Variants in ASB18 observed in about 807,000 individuals in gnomAD.
ASB18 encodes the protein ankyrin repeat and SOCS box protein 18.
Under a neutral mutation model 33.4 loss-of-function variants are expected in ASB18, and 33 were observed. The ratio of observed to expected loss-of-function variants is 0.99; its 90% CI spans 0.75 to 1.32. The LOEUF is 1.32. ASB18 is among the 40% of genes most tolerant of loss of function. The pLI is 0.00. For synonymous variants in ASB18, 295 were observed against 307.6 expected (o/e 0.96, Z 0.43); for missense variants, 694 against 655.5 (o/e 1.06, Z -0.64).
In ASB18 at chr2:236,252,594, G is replaced by A. The variant is rs1660114633; in HGVS notation, c.206-11192C>T. 6.6e-6 allele frequency among the ~76,000 whole-genome samples: 1 copy of A among 152,110 alleles called. No individual in the cohort carries two copies. ...ATTGTTGCGGGGAGCTATACCCTAT[G>A]TTCTGGCCTGAGCAAGAGGCAGGTG... On this transcript the variant is annotated intron_variant, in intron 1 of 5. Transcript: ENST00000409749. The surrounding 1 kb of genome is among the most constrained non-coding windows in gnomAD (Gnocchi z 7.9).
intron 1 of ASB18, among the ~76,000 whole-genome samples, chr2:236,258,809 A>G (rs1249753767): frequency 6.6e-6 from 1 of 152,164 alleles, no homozygotes; most frequent in Non-Finnish European, 1.5e-5. Flanking sequence ...CTCAATTAGT[A>G]TTTCTTTAAC....
chr2:236,194,949 C>G lies in ASB18; in HGVS notation c.1324G>C (p.Asp442His). ...GGCAAGGGTAACAGGGGGATGAGGT[C>G]AAAGCACCTTTTGCCAAACAGTCTG... ...LRRLFGKRCF[D>H]LIPLLPLPKP... Residue 442 changes from aspartate (D) to histidine (H), a missense_variant, in exon 6 of 6, where the codon GAC (aspartate) becomes CAC (histidine). Asp to His is a moderately conservative substitution (Grantham distance 81). Coordinates refer to ENST00000409749, the MANE Select transcript of ASB18 (RefSeq NM_212556.4). This position sits in a 1 kb window ranked among gnomAD's most constrained non-coding sequence, Gnocchi z 4.5. The G allele has an allele frequency of 1.9e-6, 3 of 1,613,894 alleles. No individual in the cohort carries two copies. The highest frequency in any genetic ancestry group is 2.5e-6 in the Non-Finnish European group (3 of 1,179,850).
At chr2:236,243,596 A>T (rs2060631938) in intron 1 of ASB18, among the ~76,000 whole-genome samples, 1 of 152,020 alleles carries the variant, frequency 6.6e-6, no homozygotes, top group African/African-American at 2.4e-5. Context: ...CAAAGACATG[A>T]TCTGGGGCCC....
In ASB18 at chr2:236,234,445, T is replaced by C. The variant is rs1365194702; in HGVS notation, c.596+3244A>G. On this transcript the variant is annotated intron_variant, in intron 3 of 5. Transcript: ENST00000409749. The surrounding 1 kb of genome is among the most constrained non-coding windows in gnomAD (Gnocchi z 4.1). ...CATCCAGCCCCTTTTGTCTAGGTGT[T>C]ATCCTTTTTGGTGTGTGGCATAAAG... Among the ~76,000 whole-genome samples the C allele has an allele frequency of 6.6e-6, 1 of 152,174 alleles. No homozygotes were observed. Among genetic ancestry groups the C allele is most frequent in the Non-Finnish European group, 1.5e-5 (1 of 68,046 alleles).
rs912501514 is a variant in ASB18, at chr2:236,221,336, T to A, written c.597-6470A>T. Among the ~76,000 whole-genome samples the A allele has an allele frequency of 1.5e-4, 23 of 152,238 alleles. 1 individual carries two copies. Among genetic ancestry groups the A allele is most frequent in the Non-Finnish European group, 5.9e-5 (4 of 68,048 alleles). On this transcript the variant is annotated intron_variant, in intron 3 of 5. Transcript: ENST00000409749. The surrounding 1 kb of genome is among the most constrained non-coding windows in gnomAD (Gnocchi z 5.6). ...AAAGGGACATTGCTTCTGAACATTT[T>A]GTTAGTAATGTTAAACATCTCATAT...
At position 236,237,678 on chromosome 2, in the gene ASB18, GA is replaced by G; in HGVS notation, c.596+10del. On this transcript the variant is annotated intron_variant, in intron 3 of 5. Transcript: ENST00000409749. This position sits in a 1 kb window ranked among gnomAD's most constrained non-coding sequence, Gnocchi z 6.2. Reference sequence around the variant, plus strand: ...GGGGCGGACGCCGCGGGCCTGTCCCGAGGTCCTTACCCGAGCGAGGCGGCCG... The same window carrying G: ...GGGGCGGACGCCGCGGGCCTGTCCCGGGTCCTTACCCGAGCGAGGCGGCCG... 1 of 1,431,034 alleles carries G rather than the reference GA, an allele frequency of 7.0e-7. No individual in the cohort carries two copies. Among genetic ancestry groups the G allele is most frequent in the South Asian group, 1.4e-5 (1 of 71,354 alleles). The allele number at this position is 1,431,034 out of a possible 1,614,324, so 88.6% of individuals were successfully genotyped here.
rs551780974 is a variant in ASB18 at position 236,193,762 on chromosome 2, AAAACAAAC to A, written c.*1102_*1109del. Among the ~76,000 whole-genome samples, 8 of 151,872 alleles carry A rather than the reference AAAACAAAC, an allele frequency of 5.3e-5. No individual in the cohort carries two copies. Among genetic ancestry groups the A allele is most frequent in the Admixed American group, 4.6e-4 (7 of 15,246 alleles). On this transcript the variant is annotated 3_prime_UTR_variant, in exon 6 of 6. Coordinates refer to ENST00000409749, the MANE Select transcript of ASB18 (RefSeq NM_212556.4). This position sits in a 1 kb window ranked among gnomAD's most constrained non-coding sequence, Gnocchi z 5.0. ...GGTGAGCCAAGATTGCGCCAGTCTC[AAAACAAAC>A]AAACAAACAAACAAAAAAACAAAAA...
rs2060671707 is a variant in ASB18 at position 236,252,266 on chromosome 2, G to GTC, written c.206-10866_206-10865dup. Among the ~76,000 whole-genome samples, 1 of 57,070 alleles carries GTC rather than the reference G, an allele frequency of 1.8e-5. No homozygotes were observed. 37.4% of individuals were successfully genotyped at this position (57,070 alleles called of 152,430 possible). A position where few individuals can be genotyped will look rare whatever the true frequency, so the allele number is the denominator to read the frequency against. ...AGCCTTGGCAACAGAGTGAGACTCC[G>GTC]TCACACACACACACACACACACACA... On this transcript the variant is annotated intron_variant, in intron 1 of 5. Transcript: ENST00000409749. The surrounding 1 kb of genome is among the most constrained non-coding windows in gnomAD (Gnocchi z 7.9).
At chr2:236,243,658 T>A (rs1432899229) in intron 1 of ASB18, among the ~76,000 whole-genome samples, 3 of 149,536 alleles carry the variant, frequency 2.0e-5, no homozygotes, top group African/African-American at 7.4e-5. Context: ...TAAATGTGCA[T>A]CCCTTGCTGA....
chr2:236,255,784 G>A lies in ASB18; in HGVS notation c.205+8357C>T, dbSNP rs530458461. Among the ~76,000 whole-genome samples the A allele has an allele frequency of 6.6e-6, 1 of 152,182 alleles. No homozygotes were observed. Among genetic ancestry groups the A allele is most frequent in the South Asian group, 2.1e-4 (1 of 4,814 alleles). ...TATCGTCCCAATCTCTTTGCCTGGG[G>A]CTTCCTCTCTTCTCTGATTTACACA... On this transcript the variant is annotated intron_variant, in intron 1 of 5. Transcript: ENST00000409749. The surrounding 1 kb of genome is among the most constrained non-coding windows in gnomAD (Gnocchi z 4.4).
intron 1 of ASB18, among the ~76,000 whole-genome samples, chr2:236,261,804 G>A (rs945614758): frequency 6.6e-6 from 1 of 152,148 alleles, no homozygotes; most frequent in African/African-American, 2.4e-5. Context: ...AGAAGGTGAG[G>A]GAAGAACAAA....
At chr2:236,258,498 C>A (rs528298201) in intron 1 of ASB18, among the ~76,000 whole-genome samples, 64 of 152,304 alleles carry the variant, frequency 4.2e-4, no homozygotes, top group African/African-American at 1.5e-3. Flanking sequence ...TCAATGGGTA[C>A]GCTCTTGTCA....
chr2:236,208,662 T>C lies in ASB18; in HGVS notation c.1101+5700A>G, dbSNP rs1311745169. Among the ~76,000 whole-genome samples the C allele has an allele frequency of 6.6e-6, 1 of 151,904 alleles. No homozygotes were observed. Among genetic ancestry groups the C allele is most frequent in the East Asian group, 1.9e-4 (1 of 5,160 alleles). ...CAGACTGTGACAGAGTCTTATTGCC[T>C]GTCTCTGGGAATTCATTTTCTGTCT... On this transcript the variant is annotated intron_variant, in intron 4 of 5. Transcript: ENST00000409749. This position sits in a 1 kb window ranked among gnomAD's most constrained non-coding sequence, Gnocchi z 7.7.
At chr2:236,233,497 A>C (rs1028548013) in intron 3 of ASB18, among the ~76,000 whole-genome samples, 20 of 152,166 alleles carry the variant, frequency 1.3e-4, no homozygotes, top group Admixed American at 1.2e-3. Context: ...AATTGTATTT[A>C]TTTGTAGACG....
chr2:236,222,845 C>T lies in ASB18; in HGVS notation c.597-7979G>A, dbSNP rs1435315864. Among the ~76,000 whole-genome samples, 1 of 152,138 alleles carries T rather than the reference C, an allele frequency of 6.6e-6. No homozygotes were observed. The highest frequency in any genetic ancestry group is 1.5e-5 in the Non-Finnish European group (1 of 68,032). On this transcript the variant is annotated intron_variant, in intron 3 of 5. Coordinates refer to ENST00000409749, the MANE Select transcript of ASB18 (RefSeq NM_212556.4). The surrounding 1 kb of genome is among the most constrained non-coding windows in gnomAD (Gnocchi z 5.5). ...GACCAGCCTGGCCAACATGGTGAAA[C>T]CCTATCTCTACTAAAAATACAAAAA... is the stretch of plus-strand genomic sequence containing the variant.
chr2:236,260,091 A>T lies in ASB18; in HGVS notation c.205+4050T>A, dbSNP rs1025019953. 6.6e-6 allele frequency among the ~76,000 whole-genome samples: 1 copy of T among 152,252 alleles called. No homozygotes were observed. Among genetic ancestry groups the T allele is most frequent in the Non-Finnish European group, 1.5e-5 (1 of 68,044 alleles). On this transcript the variant is annotated intron_variant, in intron 1 of 5. Coordinates refer to ENST00000409749, the MANE Select transcript of ASB18 (RefSeq NM_212556.4). The surrounding 1 kb of genome is among the most constrained non-coding windows in gnomAD (Gnocchi z 5.1). ...GCATGGTGATTGCACTGCAAGAGGC[A>T]AGGTCCTCAAGTGATCATGTTAACA...
At position 236,228,575 on chromosome 2, in the gene ASB18, T is replaced by C. The variant is rs187458522; in HGVS notation, c.596+9114A>G. 2.8e-3 allele frequency among the ~76,000 whole-genome samples: 432 copies of C among 152,258 alleles called. 10 individuals are homozygous for C. Among genetic ancestry groups the C allele is most frequent in the Admixed American group, 0.026 (401 of 15,282 alleles). On this transcript the variant is annotated intron_variant, in intron 3 of 5. Coordinates refer to ENST00000409749, the MANE Select transcript of ASB18 (RefSeq NM_212556.4). This position sits in a 1 kb window ranked among gnomAD's most constrained non-coding sequence, Gnocchi z 5.1. ...AGAACCGACTGAAATATGTCAAATA[T>C]TTTGTGTGCATAGAGGTTGAGAGTG...
At position 236,254,793 on chromosome 2, in the gene ASB18, A is replaced by C. The variant is rs74449747; in HGVS notation, c.205+9348T>G. Reference sequence around the variant, plus strand: ...AAGGGAAGTGGGTGATCGGGTTTGGATTTGTGTCCCCGCCCAGATCTCATG... The same window carrying C: ...AAGGGAAGTGGGTGATCGGGTTTGGCTTTGTGTCCCCGCCCAGATCTCATG... On this transcript the variant is annotated intron_variant, in intron 1 of 5. Coordinates refer to ENST00000409749, the MANE Select transcript of ASB18 (RefSeq NM_212556.4). Among the ~76,000 whole-genome samples, 494 of 151,908 alleles carry C rather than the reference A, an allele frequency of 3.3e-3. 6 individuals carry two copies. The highest frequency in any genetic ancestry group is 0.012 in the African/African-American group (478 of 41,412).
intron 1 of ASB18, among the ~76,000 whole-genome samples, chr2:236,242,305 C>A (rs1183246149): frequency 6.6e-6 from 1 of 152,138 alleles, no homozygotes; most frequent in Non-Finnish European, 1.5e-5. Context: ...GAGCCACTTT[C>A]CAGAGAGGCC....
Sources: gnomAD v4.1 joint callset for allele counts (sites outside exome capture counted in the v4.1 genomes callset) on GRCh38, gnomAD v4.1.1 for gene constraint, Gnocchi (gnomAD v3.1) non-coding constraint, MANE v1.5 for transcripts, NCBI Gene and HGNC (gene_info 2026-07-23, HGNC 2026-07-21) for gene names.